The following SCG5 variants were observed in gnomAD, a reference collection of about 807,000 sequenced individuals.
The protein encoded by SCG5 is neuroendocrine protein 7B2.
In SCG5, 18 loss-of-function variants were observed where a neutral mutation model predicts 25.7. That is an observed-to-expected ratio of 0.70 (90% CI 0.48 to 1.04). The LOEUF is 1.04. Ranked by LOEUF, SCG5 falls within the 50% of genes least tolerant of loss-of-function variation. The pLI, the probability that SCG5 is intolerant of heterozygous loss-of-function variation, is 0.00. For synonymous variants in SCG5, 101 were observed against 91.7 expected (o/e 1.10, Z -0.58); for missense variants, 206 against 259.8 (o/e 0.79, Z 1.42).
chr15:32,693,011 G>A (rs1246490928), intron 5 of SCG5, among the ~76,000 whole-genome samples: 1 of 152,154 alleles, frequency 6.6e-6, no homozygotes, highest in Non-Finnish European at 1.5e-5. Context: ...ATAGCAGATG[G>A]TGACAGAAAG....
intron 2 of SCG5, among the ~76,000 whole-genome samples, chr15:32,647,538 C>T (rs995816910): frequency 1.3e-5 from 2 of 152,066 alleles, no homozygotes; most frequent in Non-Finnish European, 2.9e-5. Flanking sequence ...ATTCCATATC[C>T]CTTCTAGTTA....
intron 2 of SCG5, among the ~76,000 whole-genome samples, chr15:32,664,106 G>A (rs1374956225): frequency 2.0e-5 from 3 of 152,186 alleles, no homozygotes; most frequent in Non-Finnish European, 4.4e-5. Flanking sequence ...GCCATGAGAG[G>A]TGACACACTG....
chr15:32,662,169 A>T (rs2054230984), intron 2 of SCG5, among the ~76,000 whole-genome samples: 1 of 152,232 alleles, frequency 6.6e-6, no homozygotes, highest in South Asian at 2.1e-4. Flanking sequence ...ATTTGTGCAT[A>T]AACGTTTGTG....
At position 32,695,756 on chromosome 15, in the gene SCG5, C is replaced by T. The variant is rs141334938; in HGVS notation, c.544-758C>T. On this transcript the variant is annotated intron_variant, in intron 5 of 5. Transcript: ENST00000300175. ...TTGGCCCTACTCTTCTCCTTTAGAACGTTTTTCTTGCAAAATATAATTTAA... is the reference window on the plus strand; with the variant it reads ...TTGGCCCTACTCTTCTCCTTTAGAATGTTTTTCTTGCAAAATATAATTTAA... Among the ~76,000 whole-genome samples the T allele has an allele frequency of 4.0e-3, 615 of 152,204 alleles. 2 individuals carry two copies. The highest frequency in any genetic ancestry group is 6.2e-3 in the Admixed American group (94 of 15,280).
intron 4 of SCG5, among the ~76,000 whole-genome samples, chr15:32,687,277 C>G (rs1000377706): frequency 6.6e-6 from 1 of 152,194 alleles, no homozygotes; most frequent in African/African-American, 2.4e-5. Context: ...GCTTCCTTCT[C>G]GAAACACTGA....
rs964368852 is a variant in SCG5, at chr15:32,680,016, C to T, written c.376+101C>T. ...AAATATTCCCAGAAATTGTTATTTC[C>T]ATTCTGATGAGCCCATGTGTATTTG... On this transcript the variant is annotated intron_variant, in intron 3 of 5. Coordinates refer to ENST00000300175, the MANE Select transcript of SCG5 (RefSeq NM_001144757.3). 55 of 1,116,798 alleles carry T rather than the reference C, an allele frequency of 4.9e-5. No homozygotes were observed. The African/African-American group carries it at 8.0e-4, about 16-fold the overall frequency. 69.2% of individuals were successfully genotyped at this position (1,116,798 alleles called of 1,614,324 possible). A position where few individuals can be genotyped will look rare whatever the true frequency, so the allele number is the denominator to read the frequency against.
chr15:32,678,389 A>G (rs565605200), intron 2 of SCG5, among the ~76,000 whole-genome samples: 1 of 152,348 alleles, frequency 6.6e-6, no homozygotes, highest in Non-Finnish European at 1.5e-5. Context: ...GAGCATAAAC[A>G]AACAGCTCAC....
At chr15:32,659,666 C>G (rs2054184420) in intron 2 of SCG5, among the ~76,000 whole-genome samples, 1 of 152,178 alleles carries the variant, frequency 6.6e-6, no homozygotes, top group Non-Finnish European at 1.5e-5. Context: ...AGGGGACCTT[C>G]CTGATGCCAT....
At chr15:32,648,771 CTTTTT>C (rs67887619) in intron 2 of SCG5, among the ~76,000 whole-genome samples, 123 of 111,516 alleles carry the variant, frequency 1.1e-3, no homozygotes, top group African/African-American at 4.7e-3. Flanking sequence ...TTGCAGTCTC[CTTTTT>C]TTTTTTTAAA....
intron 2 of SCG5, among the ~76,000 whole-genome samples, chr15:32,648,975 G>C (rs1398100639): frequency 6.6e-6 from 1 of 152,114 alleles, no homozygotes; most frequent in African/African-American, 2.4e-5. Context: ...GTTTCACCGT[G>C]TTAGCCTCCT....
chr15:32,691,921 G>T (rs1232984493), intron 5 of SCG5, 158 bp downstream of exon 5: 1 of 1,471,124 alleles, frequency 6.8e-7, no homozygotes, highest in African/African-American at 1.4e-5. Context: ...CACCCAGAAA[G>T]TCTGTCCTTG....
chr15:32,691,914 C>G, intron 5 of SCG5, 151 bp downstream of exon 5: 1 of 1,476,158 alleles, frequency 6.8e-7, no homozygotes, highest in Admixed American at 2.7e-5. Flanking sequence ...AGGGCCACAC[C>G]CAGAAAGTCT....
rs180896699 is a variant in SCG5 at position 32,662,172 on chromosome 15, C to T, written c.227-17594C>T. On this transcript the variant is annotated intron_variant, in intron 2 of 5. Transcript: ENST00000300175. ...TTCAATGAACATATTTGTGCATAAA[C>T]GTTTGTGTACAGTCTTGATAAATTC... 2.0e-5 allele frequency among the ~76,000 whole-genome samples: 3 copies of T among 152,194 alleles called. No individual in the cohort carries two copies. In the East Asian group the frequency reaches 5.8e-4, roughly 29 times the overall value.
At chr15:32,672,588 G>A (rs2054449530) in intron 2 of SCG5, among the ~76,000 whole-genome samples, 1 of 151,942 alleles carries the variant, frequency 6.6e-6, no homozygotes, top group African/African-American at 2.4e-5. Flanking sequence ...TGGAAACTAT[G>A]AGAGACCCCA....
chr15:32,668,612 G>A (rs1365436208), intron 2 of SCG5, among the ~76,000 whole-genome samples: 2 of 152,142 alleles, frequency 1.3e-5, no homozygotes, highest in Non-Finnish European at 2.9e-5. Flanking sequence ...ATCCAGAATG[G>A]GTCCAACACA....
chr15:32,670,413 A>G (rs76567818), intron 2 of SCG5, among the ~76,000 whole-genome samples: 3,297 of 152,352 alleles, frequency 0.022, 123 homozygotes, highest in African/African-American at 0.076. Flanking sequence ...TAGCCAATTC[A>G]GCACAGATAG....
intron 2 of SCG5, among the ~76,000 whole-genome samples, chr15:32,663,579 T>C (rs2054273541): frequency 1.3e-5 from 2 of 152,150 alleles, no homozygotes; most frequent in Admixed American, 1.3e-4. Flanking sequence ...ACAATACTTT[T>C]CCTACCTGGT....
intron 2 of SCG5, among the ~76,000 whole-genome samples, chr15:32,651,721 T>C (rs2054033381): frequency 6.6e-6 from 1 of 152,210 alleles, no homozygotes; most frequent in Non-Finnish European, 1.5e-5. Flanking sequence ...TGATTTTCAG[T>C]TTTTCTCTGT....
intron 4 of SCG5, among the ~76,000 whole-genome samples, chr15:32,690,931 C>CA (rs1555437725): frequency 6.6e-6 from 1 of 151,448 alleles, no homozygotes; most frequent in Non-Finnish European, 1.5e-5. Context: ...AGCCCCCCCC[C>CA]ACCGCCACCA....
Sources: gnomAD v4.1 joint callset for allele counts (sites outside exome capture counted in the v4.1 genomes callset) on GRCh38, gnomAD v4.1.1 for gene constraint, MANE v1.5 for transcripts, NCBI Gene and HGNC (gene_info 2026-07-23, HGNC 2026-07-21) for gene names.